The following OSBPL10 variants were observed in gnomAD, a reference collection of about 807,000 sequenced individuals.
OSBPL10 encodes oxysterol-binding protein-related protein 10.
In OSBPL10, 49 loss-of-function variants were observed where a neutral mutation model predicts 81.7. That is an observed-to-expected ratio of 0.60 (90% CI 0.48 to 0.76). OSBPL10 has a LOEUF of 0.76. Ranked by LOEUF, OSBPL10 falls within the 30% of genes least tolerant of loss-of-function variation. OSBPL10 has a pLI of 0.00. For missense variants in OSBPL10, 923 were observed against 987.8 expected, an observed-to-expected ratio of 0.93 and a Z score of 0.88; for synonymous variants, 419 against 383.6, an observed-to-expected ratio of 1.09 and a Z score of -1.08.
At chr3:31,866,020 G>A (rs574829046) in intron 3 of OSBPL10, among the ~76,000 whole-genome samples, 1 of 152,220 alleles carries the variant, frequency 6.6e-6, no homozygotes, top group African/African-American at 2.4e-5. Flanking sequence ...CTTGCTTCCC[G>A]TTGTGTTGCA....
intron 9 of OSBPL10, among the ~76,000 whole-genome samples, chr3:31,669,260 C>A (rs756586226): frequency 6.6e-6 from 1 of 151,912 alleles, no homozygotes; most frequent in African/African-American, 2.4e-5. Flanking sequence ...AAGCAAATAC[C>A]ACCTGTACCC....
intron 3 of OSBPL10, among the ~76,000 whole-genome samples, chr3:31,872,899 C>T (rs1701367202): frequency 6.6e-6 from 1 of 152,176 alleles, no homozygotes; most frequent in Non-Finnish European, 1.5e-5. Flanking sequence ...GCTGGGATTA[C>T]AGGCGTGAGC....
chr3:32,033,807 G>C (rs1186870287), intron 2 of OSBPL10, among the ~76,000 whole-genome samples: 2 of 152,174 alleles, frequency 1.3e-5, no homozygotes, highest in Non-Finnish European at 2.9e-5. Flanking sequence ...TCATGCCTGT[G>C]ATCCCAGCAT....
intron 8 of OSBPL10, among the ~76,000 whole-genome samples, chr3:31,679,190 C>G (rs1351388894): frequency 6.6e-6 from 1 of 152,188 alleles, no homozygotes; most frequent in East Asian, 1.9e-4. Flanking sequence ...CTTCTTAAAC[C>G]TGCTTCAGGC....
intron 2 of OSBPL10, among the ~76,000 whole-genome samples, chr3:32,026,089 AGAT>A (rs377021582): frequency 4.4e-5 from 5 of 113,312 alleles, no homozygotes; most frequent in Non-Finnish European, 6.1e-5. Flanking sequence ...ATAGATAGAT[AGAT>A]GATAGATAGA....
At chr3:32,027,880 G>T (rs2125550079) in intron 2 of OSBPL10, among the ~76,000 whole-genome samples, 1 of 152,312 alleles carries the variant, frequency 6.6e-6, no homozygotes, top group African/African-American at 2.4e-5. Context: ...TTTTCTCAAA[G>T]CAAGAGAAGA....
rs898785661 is a variant in OSBPL10, at chr3:31,769,560, TTTATA to T, written c.730-21445_730-21441del. 5.0e-4 allele frequency among the ~76,000 whole-genome samples: 73 copies of T among 145,978 alleles called. 1 individual carries two copies. The highest frequency in any genetic ancestry group is 2.1e-3 in the Admixed American group (31 of 14,640). The stretch of plus-strand genomic sequence containing the variant: ...AAATATATTTTATTAAAAATATATT[TTTATA>T]TTATAACTCATTATAAAAATATATT... On this transcript the variant is annotated intron_variant, in intron 4 of 11. Transcript: ENST00000396556.
intron 5 of OSBPL10, among the ~76,000 whole-genome samples, chr3:31,747,317 CAA>C (rs533249457): frequency 1.4e-5 from 2 of 140,496 alleles, no homozygotes. Flanking sequence ...GACTTTGACT[CAA>C]AAAAAAAAAG....
intron 1 of OSBPL10, chr3:31,907,020 T>C (rs899941245): frequency 3.3e-5 from 5 of 152,218 alleles, no homozygotes; most frequent in East Asian, 1.9e-4. Context: ...CTCTGAATTA[T>C]TGATGTCATA....
intron 4 of OSBPL10, among the ~76,000 whole-genome samples, chr3:31,824,015 C>T (rs1442249056): frequency 6.6e-6 from 1 of 152,134 alleles, no homozygotes; most frequent in East Asian, 1.9e-4. Flanking sequence ...CCACACCCAG[C>T]TACTTTTTTG....
chr3:31,664,579 T>C (rs1194323956), intron 10 of OSBPL10: 1 of 375,396 alleles, frequency 2.7e-6, no homozygotes, highest in Admixed American at 4.4e-5. Flanking sequence ...GCATTTTACA[T>C]ACATAAACCT....
intron 2 of OSBPL10, among the ~76,000 whole-genome samples, chr3:32,006,504 G>A (rs991906743): frequency 1.3e-5 from 2 of 152,076 alleles, no homozygotes; most frequent in African/African-American, 2.4e-5. Context: ...TCTGGGTTTT[G>A]TAGAAATCCT....
Position 31,915,897 on chromosome 3 carries a change from C to T in OSBPL10, c.282-36067G>A, listed in dbSNP as rs554471292. On this transcript the variant is annotated intron_variant, in intron 1 of 11. Coordinates refer to ENST00000396556, the MANE Select transcript of OSBPL10 (RefSeq NM_017784.5). The stretch of plus-strand genomic sequence containing the variant: ...TCACCTGAGGTCAGGAGTTCAAGAC[C>T]AGCCTGACCAATACGGCGAAACCCC... Among the ~76,000 whole-genome samples the T allele has an allele frequency of 1.4e-3, 209 of 152,026 alleles. 1 individual carries two copies. Among genetic ancestry groups the T allele is most frequent in the African/African-American group, 4.3e-3 (177 of 41,434 alleles).
intron 5 of OSBPL10, among the ~76,000 whole-genome samples, chr3:31,746,902 C>G (rs189522968): frequency 9.6e-4 from 146 of 151,914 alleles, no homozygotes; most frequent in African/African-American, 3.4e-3. Context: ...TGCAGCACAC[C>G]AACATGGCAC....
At chr3:31,817,450 C>A (rs1175594808) in intron 4 of OSBPL10, among the ~76,000 whole-genome samples, 1 of 152,188 alleles carries the variant, frequency 6.6e-6, no homozygotes, top group East Asian at 1.9e-4. Flanking sequence ...AGTTCCCACC[C>A]CATCAACTCA....
intron 2 of OSBPL10, among the ~76,000 whole-genome samples, chr3:32,028,146 A>G (rs1699433925): frequency 6.6e-6 from 1 of 152,178 alleles, no homozygotes; most frequent in East Asian, 1.9e-4. Context: ...TGCTCCTGCT[A>G]AAGGAGGAGG....
intron 2 of OSBPL10, chr3:32,030,416 T>C (rs916742114): frequency 4.6e-6 from 3 of 655,824 alleles, no homozygotes; most frequent in South Asian, 1.4e-5. Flanking sequence ...GCTGCTGGCA[T>C]TGTGGTAAAG....
intron 1 of OSBPL10, among the ~76,000 whole-genome samples, chr3:31,886,543 G>A (rs1036238062): frequency 6.6e-6 from 1 of 152,214 alleles, no homozygotes; most frequent in Non-Finnish European, 1.5e-5. Flanking sequence ...CTTCTGAGAC[G>A]CATCTGCTCC....
chr3:31,877,232 C>T (rs529889946), intron 2 of OSBPL10, among the ~76,000 whole-genome samples: 1 of 152,214 alleles, frequency 6.6e-6, no homozygotes, highest in Non-Finnish European at 1.5e-5. Flanking sequence ...GGGCCTTTTG[C>T]TATCTACCAG....
Sources: gnomAD v4.1 joint callset for allele counts (sites outside exome capture counted in the v4.1 genomes callset) on GRCh38, gnomAD v4.1.1 for gene constraint, MANE v1.5 for transcripts, NCBI Gene and HGNC (gene_info 2026-07-23, HGNC 2026-07-21) for gene names.